Variants in COL6A2 observed in about 807,000 individuals in gnomAD.
COL6A2 encodes the protein collagen type VI alpha 2 chain, also known as collagen alpha-2(VI) chain.
A neutral mutation model predicts 124.9 loss-of-function variants in COL6A2; 90 were observed. That is an observed-to-expected ratio of 0.72 (90% confidence interval 0.61 to 0.86). The LOEUF (loss-of-function observed/expected upper bound fraction) is 0.86, where lower values mean the gene tolerates loss of function less well. Among genes scored for constraint, COL6A2 ranks in the 40% least tolerant of loss-of-function variants. COL6A2 has a pLI of 0.00. For synonymous variants in COL6A2, 793 were observed against 618.2 expected (o/e 1.28, Z -4.19); for missense variants, 1,607 against 1,502.5 (o/e 1.07, Z -1.15).
At chr21:46,122,272 G>A (rs2078579000) in intron 19 of COL6A2, 114 bp downstream of exon 19, 1 of 1,324,492 alleles carries the variant, frequency 7.6e-7, no homozygotes, top group Non-Finnish European at 1.1e-6. Flanking sequence ...AAAGTGTGAG[G>A]TCCCTCCTGC....
At chr21:46,131,816 C>T (rs1054822933) in intron 27 of COL6A2, 138 bp from the exon 28 acceptor site, 6 of 825,224 alleles carry the variant, frequency 7.3e-6, no homozygotes, top group Non-Finnish European at 5.8e-6. Context: ...GGCTGCCCTG[C>T]AGAAACGCCC....
intron 27 of COL6A2, chr21:46,129,409 G>A: frequency 6.2e-7 from 1 of 1,612,664 alleles, no homozygotes; most frequent in Non-Finnish European, 8.5e-7. Context: ...CGGCAGGACT[G>A]GATGGAGCTG....
chr21:46,124,873 T>C lies in COL6A2; in HGVS notation c.1735-12T>C, dbSNP rs764006208. The C allele has an allele frequency of 6.2e-7, 1 of 1,612,850 alleles. No individual in the cohort carries two copies. Among genetic ancestry groups the C allele is most frequent in the Non-Finnish European group, 8.5e-7 (1 of 1,179,970 alleles). ...TGGCCCCAGAGTCTCAGCCTCATCC[T>C]TCCTTCCCCAGGGTGAGCCCGGCCC... On this transcript the variant is annotated splice_polypyrimidine_tract_variant and intron_variant, in intron 22 of 27. Coordinates refer to ENST00000300527, the MANE Select transcript of COL6A2 (RefSeq NM_001849.4).
At chr21:46,111,396 G>A (rs1880853541) in intron 1 of COL6A2, 54 bp from the exon 2 acceptor site, 3 of 1,010,462 alleles carry the variant, frequency 3.0e-6, no homozygotes, top group Non-Finnish European at 4.6e-6. Context: ...CATGGGGGAG[G>A]GTGCCAGGGG....
In COL6A2 at chr21:46,116,516, T is replaced by C; in HGVS notation, c.927+113T>C. ...CCTGGGGCACCGGCCTGGTCTTTTC[T>C]CAGTGGTGGCTTTGGGGGCTCCTGG... On this transcript the variant is annotated intron_variant, in intron 8 of 27. Transcript: ENST00000300527. This position sits in a 1 kb window ranked among gnomAD's most constrained non-coding sequence, Gnocchi z 4.6. 1 of 1,580,276 alleles carries C rather than the reference T, an allele frequency of 6.3e-7. No individual in the cohort carries two copies. Among genetic ancestry groups the C allele is most frequent in the Non-Finnish European group, 8.7e-7 (1 of 1,154,286 alleles).
At chr21:46,126,650 G>T in intron 27 of COL6A2, 109 bp downstream of exon 27, 2 of 1,354,708 alleles carry the variant, frequency 1.5e-6, no homozygotes, top group East Asian at 2.4e-5. Context: ...CCCGGGGGGC[G>T]GCGGAGCCAC....
chr21:46,128,860 G>T, intron 27 of COL6A2: 1 of 1,542,010 alleles, frequency 6.5e-7, no homozygotes, highest in Non-Finnish European at 9.0e-7. Context: ...ACGGGCCTGC[G>T]GCACTGGAAG....
In COL6A2 at chr21:46,129,521, C is replaced by G. The variant is rs745420960; in HGVS notation, c.2462-2433C>G. 1.3e-4 allele frequency: 201 copies of G among 1,522,952 alleles called. No homozygotes were observed. Among genetic ancestry groups the G allele is most frequent in the Non-Finnish European group, 1.7e-4 (196 of 1,138,528 alleles). The allele number at this position is 1,522,952 out of a possible 1,614,324, so 94.3% of individuals were successfully genotyped here. Reference sequence around the variant, plus strand: ...CGGGCACCCGCCCAGCCGGGCTGGGCCCTCCCTGCCACACTAGCTTCCCAG... The same window carrying G: ...CGGGCACCCGCCCAGCCGGGCTGGGGCCTCCCTGCCACACTAGCTTCCCAG... On this transcript the variant is annotated intron_variant, in intron 27 of 27. Coordinates refer to ENST00000300527, the MANE Select transcript of COL6A2 (RefSeq NM_001849.4).
chr21:46,128,881 GT>G, intron 27 of COL6A2: 1 of 1,602,604 alleles, frequency 6.2e-7, no homozygotes. Context: ...CCCTACTGGA[GT>G]TTGGCCTGTC....
intron 1 of COL6A2, among the ~76,000 whole-genome samples, chr21:46,100,039 G>A (rs1030407944): frequency 2.6e-5 from 4 of 151,998 alleles, no homozygotes; most frequent in Admixed American, 1.3e-4. Context: ...GCATTGCCTG[G>A]TTGTGATGTC....
rs150098077 is a variant in COL6A2 at position 46,125,985 on chromosome 21, C to A, written c.2170C>A (p.Arg724Ser). The change falls in exon 26 of 28, where the codon CGT becomes AGT. Residue 724 changes from arginine (R) to serine (S), a missense_variant. Around this residue, in one of 3 missense-constraint regions of COL6A2, gnomAD observed 1,223 missense variants for 1,052.2 expected, o/e 1.16. Coordinates refer to ENST00000300527, the MANE Select transcript of COL6A2 (RefSeq NM_001849.4). Reference protein sequence around the residue: ...LIKESRRQKTRVFAVVITDGR... With the variant: ...LIKESRRQKTSVFAVVITDGR... ...CAAGGAGAGCCGGCGCCAGAAGACA[C>A]GTGTGTTTGCGGTGGTCATCACGGA... The A allele has an allele frequency of 3.7e-6, 6 of 1,613,102 alleles. No individual in the cohort carries two copies. The South Asian group carries it at 5.5e-5, about 15-fold the overall frequency.
rs183061615 is a variant in COL6A2, at chr21:46,128,077, A to G, written c.2461+1536A>G. Among the ~76,000 whole-genome samples the G allele has an allele frequency of 2.6e-5, 4 of 152,290 alleles. No individual in the cohort carries two copies. The East Asian group carries it at 7.7e-4, about 29-fold the overall frequency. On this transcript the variant is annotated intron_variant, in intron 27 of 27. Coordinates refer to ENST00000300527, the MANE Select transcript of COL6A2 (RefSeq NM_001849.4). ...TCTCTCTGGTTCTGGCCTCAGGGTG[A>G]CGTGGGCCTCGTAGGGTCCTGTGGT...
At chr21:46,117,835 C>T (rs376055881) in intron 11 of COL6A2, 39 bp from the exon 12 acceptor site, 19 of 1,587,596 alleles carry the variant, frequency 1.2e-5, no homozygotes, top group Non-Finnish European at 1.6e-5. Context: ...AGAACCCCAC[C>T]CGCCGTGTGC....
intron 27 of COL6A2, among the ~76,000 whole-genome samples, chr21:46,129,963 C>T (rs1038447559): frequency 6.6e-6 from 1 of 152,138 alleles, no homozygotes; most frequent in African/African-American, 2.4e-5. Flanking sequence ...GGAGGATGTT[C>T]CAGCACCAGG....
At chr21:46,124,773 A>G in intron 22 of COL6A2, 60 bp downstream of exon 22, 1 of 1,603,156 alleles carries the variant, frequency 6.2e-7, no homozygotes, top group Non-Finnish European at 8.5e-7. Context: ...CACACACCCA[A>G]GCCTCGTGGT....
chr21:46,131,921 C>T lies in COL6A2; in HGVS notation c.2462-33C>T. ...ACCTGCCCGGTCCTGCCCACCTCCC[C>T]TCCGCCCAGCCCGCACCTGCGTCTC... On this transcript the variant is annotated intron_variant, in intron 27 of 27. Coordinates refer to ENST00000300527, the MANE Select transcript of COL6A2 (RefSeq NM_001849.4). 4 of 1,554,974 alleles carry T rather than the reference C, an allele frequency of 2.6e-6. No individual in the cohort carries two copies. In the South Asian group the frequency reaches 4.7e-5, roughly 18 times the overall value.
At chr21:46,130,279 C>T (rs1568945771) in intron 27 of COL6A2, among the ~76,000 whole-genome samples, 1 of 152,238 alleles carries the variant, frequency 6.6e-6, no homozygotes, top group Non-Finnish European at 1.5e-5. Context: ...GAGCATCCAC[C>T]AGGCACAACC....
At chr21:46,121,971 C>T in intron 18 of COL6A2, 137 bp from the exon 19 acceptor site, 1 of 907,680 alleles carries the variant, frequency 1.1e-6, no homozygotes, top group Non-Finnish European at 1.8e-6. Flanking sequence ...CCCTGCCAGG[C>T]CTCTGCTCAC....
At chr21:46,120,727 G>A in intron 16 of COL6A2, 150 bp downstream of exon 16, 1 of 796,042 alleles carries the variant, frequency 1.3e-6, no homozygotes, top group Non-Finnish European at 2.0e-6. Context: ...CCCAGGTGAG[G>A]GCTATACCTC....
Sources: allele counts gnomAD v4.1 joint callset (sites outside exome capture counted in the v4.1 genomes callset), GRCh38; gene constraint gnomAD v4.1.1; regional missense constraint gnomAD v4.1.1; non-coding constraint Gnocchi (gnomAD v3.1); transcripts MANE v1.5; gene names NCBI Gene and HGNC (gene_info 2026-07-23, HGNC 2026-07-21).